Variants in COMMD1 observed in about 807,000 individuals in gnomAD.
COMMD1 encodes COMM domain-containing protein 1.
In COMMD1, 10 loss-of-function variants were observed where a neutral mutation model predicts 17.2. That is an observed-to-expected ratio of 0.58 (90% CI 0.36 to 0.99). COMMD1 has a LOEUF of 0.99. COMMD1 is among the 50% of genes least tolerant of loss of function. COMMD1 has a pLI of 0.01. For missense variants in COMMD1, 270 were observed against 231.8 expected (o/e 1.17, Z -1.07); for synonymous variants, 97 against 91.6 (o/e 1.06, Z -0.34).
intron 1 of COMMD1, among the ~76,000 whole-genome samples, chr2:61,949,730 A>C (rs1469205982): frequency 1.3e-5 from 2 of 152,242 alleles, no homozygotes; most frequent in Non-Finnish European, 2.9e-5. Flanking sequence ...TACTTTTGAC[A>C]CTGGGTAGGT....
At chr2:62,065,886 T>C (rs1671024878) in intron 2 of COMMD1, among the ~76,000 whole-genome samples, 1 of 152,230 alleles carries the variant, frequency 6.6e-6, no homozygotes, top group Admixed American at 6.5e-5. Flanking sequence ...GTTTAATTGT[T>C]AAATTAGAAT....
intron 2 of COMMD1, among the ~76,000 whole-genome samples, chr2:62,049,063 C>T (rs2103913848): frequency 6.6e-6 from 1 of 152,202 alleles, no homozygotes; most frequent in East Asian, 1.9e-4. Context: ...TAAGAAATCA[C>T]ATTACATGCA....
At chr2:62,116,209 A>G (rs1018074443) in intron 2 of COMMD1, among the ~76,000 whole-genome samples, 6 of 152,150 alleles carry the variant, frequency 3.9e-5, no homozygotes, top group Non-Finnish European at 2.9e-5. Context: ...CTTATGTTTT[A>G]TAAGTGTGGC....
At chr2:62,080,528 AGAAACAG>A (rs147902435) in intron 2 of COMMD1, among the ~76,000 whole-genome samples, 2,761 of 152,282 alleles carry the variant, frequency 0.018, 57 homozygotes, top group African/African-American at 0.041. Context: ...CTTCCAGCAG[AGAAACAG>A]GAGTTCATAG....
upstream of COMMD1, chr2:61,888,594 C>G: frequency 6.9e-7 from 1 of 1,456,176 alleles, no homozygotes; most frequent in Non-Finnish European, 9.2e-7. Flanking sequence ...GGTAAGCCCT[C>G]ACTGCCTTCA....
At chr2:61,916,827 C>T (rs183914892) in intron 1 of COMMD1, among the ~76,000 whole-genome samples, 74 of 152,206 alleles carry the variant, frequency 4.9e-4, no homozygotes, top group African/African-American at 1.7e-3. Flanking sequence ...ACCCAGCACT[C>T]GAAGTTCTTT....
At chr2:61,948,318 G>A (rs188786039) in intron 1 of COMMD1, among the ~76,000 whole-genome samples, 5 of 152,160 alleles carry the variant, frequency 3.3e-5, no homozygotes, top group East Asian at 1.9e-4. Flanking sequence ...TCTATGTCCT[G>A]CAGGCATTAA....
At chr2:62,078,167 C>T (rs1003196302) in intron 2 of COMMD1, among the ~76,000 whole-genome samples, 4 of 132,872 alleles carry the variant, frequency 3.0e-5, no homozygotes, top group African/African-American at 2.8e-5. Context: ...CCCTGCTACT[C>T]GGGAGGCTGA....
intron 1 of COMMD1, among the ~76,000 whole-genome samples, chr2:61,978,959 G>C (rs1671879215): frequency 6.6e-6 from 1 of 152,150 alleles, no homozygotes; most frequent in African/African-American, 2.4e-5. Context: ...CTTTGTGTTA[G>C]AAACAATCAA....
intron 1 of COMMD1, among the ~76,000 whole-genome samples, chr2:61,986,755 G>A (rs1383268992): frequency 6.6e-6 from 1 of 151,714 alleles, no homozygotes; most frequent in Non-Finnish European, 1.5e-5. Context: ...TTTTATTAGA[G>A]ACCAGGTTTT....
intron 1 of COMMD1, among the ~76,000 whole-genome samples, chr2:61,961,105 A>G (rs1414763612): frequency 1.3e-5 from 2 of 152,368 alleles, no homozygotes; most frequent in East Asian, 3.9e-4. Flanking sequence ...ATTGTTGGAA[A>G]TGAAGTTTTT....
At chr2:61,888,616 G>A (rs1033158146), upstream of COMMD1, 12 of 1,334,984 alleles carry the variant, frequency 9.0e-6, no homozygotes, top group African/African-American at 1.5e-5. Context: ...GAACCTTCCA[G>A]AAAGCGGCGC....
chr2:61,912,951 G>A (rs1194259926), intron 1 of COMMD1, among the ~76,000 whole-genome samples: 2 of 152,206 alleles, frequency 1.3e-5, no homozygotes, highest in African/African-American at 2.4e-5. Context: ...CTACTCAGGA[G>A]GCTGGAGTGA....
At chr2:61,983,948 T>C (rs12620311) in intron 1 of COMMD1, among the ~76,000 whole-genome samples, 22,259 of 152,230 alleles carry the variant, frequency 0.15, 1,750 homozygotes, top group East Asian at 0.22. Flanking sequence ...GTTTTTCCTC[T>C]TTTTGACATG....
intron 1 of COMMD1, among the ~76,000 whole-genome samples, chr2:61,970,428 G>A (rs576405792): frequency 1.3e-5 from 2 of 152,084 alleles, no homozygotes; most frequent in Non-Finnish European, 2.9e-5. Flanking sequence ...ATATAAAATA[G>A]TGTGGTATTT....
chr2:62,083,389 A>C (rs546118223), intron 2 of COMMD1, among the ~76,000 whole-genome samples: 1 of 152,374 alleles, frequency 6.6e-6, no homozygotes, highest in African/African-American at 2.4e-5. Flanking sequence ...GTGAAAATGA[A>C]TGAGCCTCTC....
At chr2:61,905,214 A>G (rs944497686), upstream of COMMD1, among the ~76,000 whole-genome samples, 3 of 152,214 alleles carry the variant, frequency 2.0e-5, no homozygotes, top group Non-Finnish European at 4.4e-5. Flanking sequence ...AAAGAAAAAC[A>G]TTATGTAATC....
chr2:61,923,029 G>A lies in COMMD1; in HGVS notation c.180+17171G>A, dbSNP rs575250230. Among the ~76,000 whole-genome samples, 3 of 152,300 alleles carry A rather than the reference G, an allele frequency of 2.0e-5. No homozygotes were observed. The South Asian group carries it at 6.2e-4, about 32-fold the overall frequency. On this transcript the variant is annotated intron_variant, in intron 1 of 2. Coordinates refer to ENST00000311832, the MANE Select transcript of COMMD1 (RefSeq NM_152516.4). ...TGGGTAATGTGGAAGGCAGCAAATTGCTTTTCAAGATATCTAGCCTCAAGA... is the reference window on the plus strand; with the variant it reads ...TGGGTAATGTGGAAGGCAGCAAATTACTTTTCAAGATATCTAGCCTCAAGA...
In COMMD1 at chr2:62,108,899, A is replaced by G. The variant is rs571828235; in HGVS notation, c.463-26932A>G. 3.3e-5 allele frequency among the ~76,000 whole-genome samples: 5 copies of G among 152,314 alleles called. No individual in the cohort carries two copies. In the South Asian group the frequency reaches 8.3e-4, roughly 25 times the overall value. ...TTTGAAATAGCAAAGATCTGGCAAC[A>G]CTGGGCCCACTTTTCTATAAATAAC... is the stretch of plus-strand genomic sequence containing the variant. On this transcript the variant is annotated intron_variant, in intron 2 of 2. Transcript: ENST00000311832.
Sources: allele counts gnomAD v4.1 joint callset (sites outside exome capture counted in the v4.1 genomes callset), GRCh38; gene constraint gnomAD v4.1.1; transcripts MANE v1.5; gene names NCBI Gene and HGNC (gene_info 2026-07-23, HGNC 2026-07-21).